PCLO: variants seen among roughly 807,000 people sequenced by gnomAD.
The protein encoded by PCLO is protein piccolo.
PCLO carries 82 observed loss-of-function variants against 427.5 expected under a neutral mutation model. The observed-to-expected ratio is 0.19, with a 90% confidence interval of 0.16 to 0.23. The LOEUF (loss-of-function observed/expected upper bound fraction) is 0.23. Among genes scored for constraint, PCLO ranks in the 10% least tolerant of loss-of-function variants. The pLI is 1.00. For synonymous variants in PCLO, 2,357 were observed against 2,155.4 expected (o/e 1.09, Z -2.59); for missense variants, 6,239 against 6,115.9 (o/e 1.02, Z -0.67).
chr7:83,036,621 G>C (rs2116177580), intron 3 of PCLO, among the ~76,000 whole-genome samples: 1 of 152,140 alleles, frequency 6.6e-6, no homozygotes, highest in East Asian at 1.9e-4. Context: ...CCTCAGTATA[G>C]CAACTGATTC....
At chr7:82,890,001 C>T (rs1793719828) in intron 9 of PCLO, among the ~76,000 whole-genome samples, 2 of 151,352 alleles carry the variant, frequency 1.3e-5, no homozygotes, top group Admixed American at 6.6e-5. Context: ...GTTACCACTA[C>T]CATATTTTAC....
In PCLO at chr7:82,832,800, T is replaced by TACACACACAC. The variant is rs10645073; in HGVS notation, c.14249+2857_14249+2866dup. On this transcript the variant is annotated intron_variant, in intron 16 of 24. Coordinates refer to ENST00000333891, the MANE Select transcript of PCLO (RefSeq NM_033026.6). ...TCTGGTTTTCCTTTACTAAACTTACTACACACACACACACACACACACACA... is the reference window on the plus strand; with the variant it reads ...TCTGGTTTTCCTTTACTAAACTTACTACACACACACACACACACACACACACACACACACA... Among the ~76,000 whole-genome samples, 977 of 140,668 alleles carry TACACACACAC rather than the reference T, an allele frequency of 6.9e-3. 14 individuals carry two copies. The highest frequency in any genetic ancestry group is 0.019 in the African/African-American group (699 of 37,416). 92.3% of individuals were successfully genotyped at this position (140,668 alleles called of 152,430 possible).
intron 3 of PCLO, among the ~76,000 whole-genome samples, chr7:83,049,173 C>A (rs1041611817): frequency 2.0e-5 from 3 of 152,080 alleles, no homozygotes; most frequent in African/African-American, 7.2e-5. Context: ...CTCTGTCAGT[C>A]TCTAATGTAT....
At position 82,956,397 on chromosome 7, in the gene PCLO, C is replaced by G. The variant is rs767122898; in HGVS notation, c.4556G>C (p.Ser1519Thr). The G allele has an allele frequency of 6.2e-7, 1 of 1,613,632 alleles. No individual in the cohort carries two copies. Among genetic ancestry groups the G allele is most frequent in the Non-Finnish European group, 8.5e-7 (1 of 1,179,856 alleles). The change falls in exon 5 of 25, where the codon AGT becomes ACT. Residue 1519 changes from serine (S) to threonine (T), a missense_variant. Around this residue, in one of 5 missense-constraint regions of PCLO, gnomAD observed 4,677 missense variants for 4,468.4 expected, o/e 1.05. Transcript: ENST00000333891. ...PYDSVEESSE[S>T]ENSPVPQRKR... is the part of the protein sequence containing the mutation. ...TCTTTGTGGAACAGGTGAGTTTTCA[C>G]TTTCACTACTCTCTTCAACTGAATC...
At chr7:82,927,808 T>C (rs1163657151) in intron 6 of PCLO, among the ~76,000 whole-genome samples, 1 of 152,170 alleles carries the variant, frequency 6.6e-6, no homozygotes, top group Non-Finnish European at 1.5e-5. Flanking sequence ...ACATATTCAG[T>C]TGTAAGCATT....
Position 83,107,730 on chromosome 7 carries a change from C to T in PCLO, c.3300+26520G>A, listed in dbSNP as rs190244897. Among the ~76,000 whole-genome samples the T allele has an allele frequency of 3.3e-3, 143 of 42,952 alleles. 1 individual carries two copies. The highest frequency in any genetic ancestry group is 0.015 in the African/African-American group (138 of 9,404). 28.2% of individuals were successfully genotyped at this position (42,952 alleles called of 152,430 possible). On this transcript the variant is annotated intron_variant, in intron 3 of 24. Coordinates refer to ENST00000333891, the MANE Select transcript of PCLO (RefSeq NM_033026.6). ...AAGAGAATATGTGCGGTGGCTCACG[C>T]CTATAATCCCAGCACTTTGGGAGGC...
At chr7:83,153,130 A>C (rs1288203993) in intron 2 of PCLO, among the ~76,000 whole-genome samples, 1 of 151,322 alleles carries the variant, frequency 6.6e-6, no homozygotes, top group Non-Finnish European at 1.5e-5. Flanking sequence ...TATGGGGAGA[A>C]ACATATTTTA....
intron 3 of PCLO, among the ~76,000 whole-genome samples, chr7:83,048,883 C>G (rs1789166325): frequency 6.6e-6 from 1 of 152,084 alleles, no homozygotes; most frequent in Non-Finnish European, 1.5e-5. Context: ...ACTTACTTGG[C>G]TATTTAACAT....
At chr7:82,894,209 T>A (rs1793845710) in intron 9 of PCLO, among the ~76,000 whole-genome samples, 1 of 152,002 alleles carries the variant, frequency 6.6e-6, no homozygotes, top group African/African-American at 2.4e-5. Context: ...GATAAAACTT[T>A]AAAAAATAAC....
At chr7:83,040,682 C>T (rs994567178) in intron 3 of PCLO, among the ~76,000 whole-genome samples, 1 of 152,146 alleles carries the variant, frequency 6.6e-6, no homozygotes, top group Non-Finnish European at 1.5e-5. Context: ...TTCACTACAA[C>T]TTCCTCTTTT....
In PCLO at chr7:82,915,412, T is replaced by C. The variant is rs2116264159; in HGVS notation, c.12574A>G (p.Lys4192Glu). The C allele has an allele frequency of 6.2e-7, 1 of 1,613,656 alleles. No homozygotes were observed. The highest frequency in any genetic ancestry group is 8.5e-7 in the Non-Finnish European group (1 of 1,179,734). Residue 4192 changes from lysine to glutamate, a missense_variant, in exon 7 of 25, where the codon AAG (lysine) becomes GAG (glutamate). Coordinates refer to ENST00000333891, the MANE Select transcript of PCLO (RefSeq NM_033026.6). ...AILYQKQSKH[K>E]KSLIDPKMSK... ...ATTTTAGGGTCAATTAGTGATTTCT[T>C]ATGCTTTGACTGCTTTTGATAAAGT...
chr7:82,984,403 G>GGTGT (rs1231103466), intron 3 of PCLO, among the ~76,000 whole-genome samples: 3 of 120,734 alleles, frequency 2.5e-5, no homozygotes, highest in African/African-American at 1.1e-4. Context: ...TTTCAAATGT[G>GGTGT]GTGTCTGTGT....
At chr7:83,154,687 T>A in intron 2 of PCLO, 61 bp downstream of exon 2, 3 of 1,189,768 alleles carry the variant, frequency 2.5e-6, no homozygotes, top group Non-Finnish European at 3.7e-6. Context: ...TAGTTAAGCA[T>A]CATTTGTATA....
chr7:82,810,335 G>C (rs944957152), intron 20 of PCLO, among the ~76,000 whole-genome samples: 5 of 151,588 alleles, frequency 3.3e-5, no homozygotes, highest in African/African-American at 1.2e-4. Flanking sequence ...TATTACATAT[G>C]AAAAAAGTTT....
At chr7:82,771,253 AC>A (rs936310918) in intron 22 of PCLO, among the ~76,000 whole-genome samples, 1 of 151,922 alleles carries the variant, frequency 6.6e-6, no homozygotes, top group African/African-American at 2.4e-5. Context: ...CTAACAAATG[AC>A]TATAAATGTT....
chr7:82,770,549 T>G, intron 22 of PCLO, among the ~76,000 whole-genome samples: 1 of 147,364 alleles, frequency 6.8e-6, no homozygotes, highest in South Asian at 2.1e-4. Flanking sequence ...TAGAAATTTC[T>G]AAAAAAAAAA....
chr7:83,004,770 A>G (rs954071013), intron 3 of PCLO, among the ~76,000 whole-genome samples: 8 of 151,694 alleles, frequency 5.3e-5, no homozygotes, highest in Non-Finnish European at 8.9e-5. Context: ...TGAAAAACAT[A>G]TATCTGATAA....
intron 22 of PCLO, among the ~76,000 whole-genome samples, chr7:82,786,695 C>T (rs1583973772): frequency 6.6e-6 from 1 of 152,064 alleles, no homozygotes; most frequent in South Asian, 2.1e-4. Flanking sequence ...CACTCATCAA[C>T]CTGTCATCTA....
chr7:82,822,702 G>T lies in PCLO; in HGVS notation c.14597-13C>A. 1 of 1,610,170 alleles carries T rather than the reference G, an allele frequency of 6.2e-7. No individual in the cohort carries two copies. Among genetic ancestry groups the T allele is most frequent in the Non-Finnish European group, 8.5e-7 (1 of 1,178,496 alleles). ...GGAACCTGCATGTCTGGTCACAAAA[G>T]GGTAAAACATGAGTTAAAGTTGTTC... On this transcript the variant is annotated splice_polypyrimidine_tract_variant and intron_variant, in intron 19 of 24. Coordinates refer to ENST00000333891, the MANE Select transcript of PCLO (RefSeq NM_033026.6).
Sources: allele counts gnomAD v4.1 joint callset (sites outside exome capture counted in the v4.1 genomes callset), GRCh38; gene constraint gnomAD v4.1.1; regional missense constraint gnomAD v4.1.1; transcripts MANE v1.5; gene names NCBI Gene and HGNC (gene_info 2026-07-23, HGNC 2026-07-21).